TMEM117: variants seen among roughly 807,000 people sequenced by gnomAD.
TMEM117 encodes the protein transmembrane protein 117.
A neutral mutation model predicts 52.4 loss-of-function variants in TMEM117; 27 were observed. The ratio of observed to expected loss-of-function variants is 0.51; its 90% CI spans 0.38 to 0.71. The LOEUF (loss-of-function observed/expected upper bound fraction) is 0.71, where lower values mean the gene tolerates loss of function less well. TMEM117 is among the 30% of genes least tolerant of loss of function. TMEM117 has a pLI of 0.00. For synonymous variants in TMEM117, 215 were observed against 206.3 expected (o/e 1.04, Z -0.36); for missense variants, 556 against 630.5 (o/e 0.88, Z 1.26).
intron 4 of TMEM117, among the ~76,000 whole-genome samples, chr12:44,169,048 A>G (rs1223697351): frequency 6.6e-6 from 1 of 152,152 alleles, no homozygotes; most frequent in Non-Finnish European, 1.5e-5. Flanking sequence ...CTTCCTTTTT[A>G]AGGCTCGTAT....
rs181619066 is a variant in TMEM117, at chr12:44,198,165, T to A, written c.511-13125T>A. Among the ~76,000 whole-genome samples the A allele has an allele frequency of 1.5e-3, 225 of 152,292 alleles. 2 individuals carry two copies. The highest frequency in any genetic ancestry group is 5.1e-3 in the African/African-American group (212 of 41,550). On this transcript the variant is annotated intron_variant, in intron 4 of 7. Coordinates refer to ENST00000266534, the MANE Select transcript of TMEM117 (RefSeq NM_032256.3). ...TTCTTTATCTCAGTTGGAAGTGATA[T>A]TGTGTAAGACGGATCATATATGTAT...
At chr12:44,228,852 C>A (rs1171816965) in intron 5 of TMEM117, among the ~76,000 whole-genome samples, 2 of 152,090 alleles carry the variant, frequency 1.3e-5, no homozygotes, top group African/African-American at 2.4e-5. Flanking sequence ...TGGTGTGGAG[C>A]CTGTGGGCCA....
chr12:44,177,411 T>C (rs541657074), intron 4 of TMEM117, among the ~76,000 whole-genome samples: 21 of 152,288 alleles, frequency 1.4e-4, no homozygotes, highest in African/African-American at 5.1e-4. Flanking sequence ...ATCAGCTCTT[T>C]CCACACACAT....
chr12:44,074,783 G>T (rs760829438), intron 3 of TMEM117, among the ~76,000 whole-genome samples: 13 of 152,138 alleles, frequency 8.5e-5, no homozygotes, highest in Non-Finnish European at 1.8e-4. Flanking sequence ...CTCAGAAACA[G>T]AGAATTTCAG....
At chr12:43,933,526 G>T (rs1044446569) in intron 2 of TMEM117, among the ~76,000 whole-genome samples, 1 of 151,442 alleles carries the variant, frequency 6.6e-6, no homozygotes, top group Non-Finnish European at 1.5e-5. Context: ...TAACAATTGG[G>T]AACTATACTT....
intron 3 of TMEM117, among the ~76,000 whole-genome samples, chr12:43,988,412 A>G (rs911524337): frequency 1.3e-5 from 2 of 152,272 alleles, no homozygotes; most frequent in African/African-American, 4.8e-5. Context: ...TCATATTTTA[A>G]TGACCAAAAA....
At chr12:43,921,509 G>C (rs1232390191) in intron 2 of TMEM117, among the ~76,000 whole-genome samples, 2 of 152,110 alleles carry the variant, frequency 1.3e-5, no homozygotes, top group Non-Finnish European at 2.9e-5. Flanking sequence ...TACAAAATGG[G>C]AGCAATTATA....
chr12:44,274,154 A>T, intron 5 of TMEM117, among the ~76,000 whole-genome samples: 1 of 152,166 alleles, frequency 6.6e-6, no homozygotes, highest in Non-Finnish European at 1.5e-5. Context: ...TAGCATTTCT[A>T]TGTGCCAACA....
chr12:43,842,195 C>G (rs1943126459), intron 1 of TMEM117, among the ~76,000 whole-genome samples: 1 of 152,014 alleles, frequency 6.6e-6, no homozygotes, highest in Admixed American at 6.6e-5. Flanking sequence ...TTTTGTTCTT[C>G]ACTACTTGCT....
intron 3 of TMEM117, among the ~76,000 whole-genome samples, chr12:44,072,460 G>A (rs1459489031): frequency 2.0e-5 from 3 of 152,038 alleles, no homozygotes; most frequent in Admixed American, 2.0e-4. Flanking sequence ...TAGGTCCCTG[G>A]GTTCTGAGTT....
At chr12:43,964,608 G>T (rs561715000) in intron 3 of TMEM117, among the ~76,000 whole-genome samples, 3 of 152,082 alleles carry the variant, frequency 2.0e-5, no homozygotes, top group African/African-American at 4.8e-5. Flanking sequence ...CCAACTATAC[G>T]TCATAGTGAT....
intron 3 of TMEM117, among the ~76,000 whole-genome samples, chr12:44,016,988 A>G (rs1946382091): frequency 6.6e-6 from 1 of 152,186 alleles, no homozygotes; most frequent in Non-Finnish European, 1.5e-5. Context: ...GCCTCCTTTC[A>G]GGCAAATGTG....
At chr12:44,253,835 TACACAC>T (rs10565033) in intron 5 of TMEM117, among the ~76,000 whole-genome samples, 7,907 of 136,278 alleles carry the variant, frequency 0.058, 381 homozygotes, top group African/African-American at 0.13. Flanking sequence ...TGATAATTCC[TACACAC>T]ACACACACAC....
intron 2 of TMEM117, among the ~76,000 whole-genome samples, chr12:43,896,498 G>C (rs578114925): frequency 5.2e-4 from 79 of 152,302 alleles, no homozygotes; most frequent in African/African-American, 1.9e-3. Context: ...CTCCTACTCT[G>C]CTGACATTTG....
chr12:43,909,177 C>T (rs1944446753), intron 2 of TMEM117, among the ~76,000 whole-genome samples: 1 of 62,244 alleles, frequency 1.6e-5, no homozygotes, highest in African/African-American at 3.1e-5. Flanking sequence ...CAAACTAGAA[C>T]TCAGGATTAA....
chr12:44,365,084 A>C (rs1951772105), intron 6 of TMEM117, among the ~76,000 whole-genome samples: 1 of 152,102 alleles, frequency 6.6e-6, no homozygotes, highest in Admixed American at 6.6e-5. Flanking sequence ...CATTACTAGA[A>C]ATATGATAAG....
At chr12:44,273,936 C>G (rs946243367) in intron 5 of TMEM117, among the ~76,000 whole-genome samples, 2 of 152,112 alleles carry the variant, frequency 1.3e-5, no homozygotes, top group Non-Finnish European at 2.9e-5. Context: ...ACTTTCAACA[C>G]TGTTGGTCAA....
intron 2 of TMEM117, among the ~76,000 whole-genome samples, chr12:43,898,404 A>C (rs980983445): frequency 3.4e-5 from 5 of 146,684 alleles, no homozygotes; most frequent in Admixed American, 3.4e-4. Flanking sequence ...ATTAATAATT[A>C]ATAATACACT....
chr12:43,796,250 C>T, the TMEM117 span, among the ~76,000 whole-genome samples: 2 of 152,042 alleles, frequency 1.3e-5, no homozygotes, highest in East Asian at 3.8e-4. Flanking sequence ...ACTATTTGGT[C>T]CTCTGTAGAA....
Sources: gnomAD v4.1 joint callset for allele counts (sites outside exome capture counted in the v4.1 genomes callset) on GRCh38, gnomAD v4.1.1 for gene constraint, MANE v1.5 for transcripts, NCBI Gene and HGNC (gene_info 2026-07-23, HGNC 2026-07-21) for gene names.